The following RNF138 variants were observed in gnomAD, a reference collection of about 807,000 sequenced individuals.
RNF138 encodes the protein E3 ubiquitin-protein ligase RNF138.
Under a neutral mutation model 31.0 loss-of-function variants are expected in RNF138, and 12 were observed. The observed-to-expected ratio is 0.39, with a 90% CI of 0.25 to 0.63. The LOEUF (loss-of-function observed/expected upper bound fraction) is 0.63, where lower values mean the gene tolerates loss of function less well. Ranked by LOEUF, RNF138 falls within the 20% of genes least tolerant of loss-of-function variation. RNF138 has a pLI of 0.52. For missense variants in RNF138, 192 were observed against 300.1 expected, an observed-to-expected ratio of 0.64 and a Z score of 2.66; for synonymous variants, 105 against 99.5, an observed-to-expected ratio of 1.06 and a Z score of -0.33.
intron 2 of RNF138, among the ~76,000 whole-genome samples, chr18:32,094,102 AT>A (rs1331786726): frequency 1.3e-5 from 2 of 152,256 alleles, no homozygotes; most frequent in Non-Finnish European, 2.9e-5. Context: ...GGAAATCTTT[AT>A]TTTTAAAAAA....
chr18:32,118,036 T>C (rs2040244842), intron 4 of RNF138, among the ~76,000 whole-genome samples: 1 of 152,174 alleles, frequency 6.6e-6, no homozygotes, highest in Admixed American at 6.5e-5. Context: ...AGTAACTGGA[T>C]GTCAGTAGGC....
intron 4 of RNF138, among the ~76,000 whole-genome samples, chr18:32,120,399 G>A (rs1226593273): frequency 2.0e-5 from 3 of 152,152 alleles, no homozygotes; most frequent in Non-Finnish European, 4.4e-5. Flanking sequence ...ATTGGATAGA[G>A]ATCCTATTGA....
At chr18:32,110,350 T>C (rs112049552) in intron 2 of RNF138, among the ~76,000 whole-genome samples, 34 of 152,326 alleles carry the variant, frequency 2.2e-4, no homozygotes, top group African/African-American at 7.9e-4. Context: ...TTTAATGATA[T>C]TAACTACTAT....
chr18:32,104,703 CAATA>C, intron 2 of RNF138, among the ~76,000 whole-genome samples: 1 of 152,156 alleles, frequency 6.6e-6, no homozygotes, highest in East Asian at 1.9e-4. Flanking sequence ...TTGGACTAAA[CAATA>C]AAAATATACA....
At chr18:32,095,731 A>G (rs1373603633) in intron 2 of RNF138, among the ~76,000 whole-genome samples, 1 of 152,220 alleles carries the variant, frequency 6.6e-6, no homozygotes, top group African/African-American at 2.4e-5. Flanking sequence ...TTAGAATAAC[A>G]TTACTAAAAT....
Position 32,092,717 on chromosome 18 carries a change from C to A in RNF138, c.-60C>A. On this transcript the variant is annotated 5_prime_UTR_variant, in exon 2 of 8. Coordinates refer to ENST00000261593, the MANE Select transcript of RNF138 (RefSeq NM_016271.5). The stretch of plus-strand genomic sequence containing the variant: ...TCATGTAGGGAGTCGGGCCCCGGGC[C>A]GCCACCGTCACCTCGGCCGCTGCCG... The A allele has an allele frequency of 1.9e-6, 2 of 1,080,298 alleles. No individual in the cohort carries two copies. Among genetic ancestry groups the A allele is most frequent in the Non-Finnish European group, 2.7e-6 (2 of 731,842 alleles). The allele number at this position is 1,080,298 out of a possible 1,614,324, so 66.9% of individuals were successfully genotyped here. A position where few individuals can be genotyped will look rare whatever the true frequency, so the allele number is the denominator to read the frequency against.
At chr18:32,114,201 T>C (rs141085604) in intron 4 of RNF138, among the ~76,000 whole-genome samples, 2 of 152,346 alleles carry the variant, frequency 1.3e-5, no homozygotes, top group East Asian at 3.9e-4. Flanking sequence ...TTTTCAGTAA[T>C]GTATTTGCAA....
At chr18:32,122,658 T>C in intron 4 of RNF138, among the ~76,000 whole-genome samples, 1 of 152,096 alleles carries the variant, frequency 6.6e-6, no homozygotes, top group East Asian at 1.9e-4. Flanking sequence ...ACCCCGTCTC[T>C]ACTAAAAATA....
intron 2 of RNF138, among the ~76,000 whole-genome samples, chr18:32,104,542 G>T (rs184344125): frequency 6.6e-6 from 1 of 152,158 alleles, no homozygotes; most frequent in East Asian, 1.9e-4. Context: ...ATAATTTGTC[G>T]ATTAAAAACA....
At chr18:32,119,643 C>T (rs2040272578) in intron 4 of RNF138, among the ~76,000 whole-genome samples, 1 of 152,236 alleles carries the variant, frequency 6.6e-6, no homozygotes, top group East Asian at 1.9e-4. Context: ...AAGCTGGTCT[C>T]GGCCTCCTGG....
intron 4 of RNF138, among the ~76,000 whole-genome samples, chr18:32,122,865 T>C (rs189462619): frequency 8.5e-4 from 130 of 152,186 alleles, no homozygotes; most frequent in African/African-American, 3.1e-3. Context: ...TTGACCACAT[T>C]GATCAAATTC....
chr18:32,098,812 C>T (rs1310703763), intron 2 of RNF138, among the ~76,000 whole-genome samples: 1 of 146,884 alleles, frequency 6.8e-6, no homozygotes, highest in Non-Finnish European at 1.5e-5. Flanking sequence ...GAGATGGTGC[C>T]ACTGCACTCC....
intron 6 of RNF138, among the ~76,000 whole-genome samples, chr18:32,125,703 G>T (rs913044335): frequency 6.6e-6 from 1 of 152,126 alleles, no homozygotes; most frequent in Non-Finnish European, 1.5e-5. Context: ...AGGCCGAGAG[G>T]GGAGGATTGC....
chr18:32,119,056 C>CA (rs1198152858), intron 4 of RNF138, among the ~76,000 whole-genome samples: 1 of 152,102 alleles, frequency 6.6e-6, no homozygotes, highest in Admixed American at 6.5e-5. Flanking sequence ...CTGAGCTTTT[C>CA]ACATTTATTT....
At chr18:32,100,201 G>GATAT (rs34225221) in intron 2 of RNF138, among the ~76,000 whole-genome samples, 1,979 of 146,598 alleles carry the variant, frequency 0.013, 32 homozygotes, top group African/African-American at 0.044. Context: ...TAGTGATTGA[G>GATAT]ATATATATAT....
intron 6 of RNF138, among the ~76,000 whole-genome samples, chr18:32,126,444 T>C (rs2040384677): frequency 6.6e-6 from 1 of 152,216 alleles, no homozygotes; most frequent in Non-Finnish European, 1.5e-5. Flanking sequence ...ATGTGGTTTT[T>C]CTGTTGAAAC....
At chr18:32,098,418 G>T (rs1337253272) in intron 2 of RNF138, among the ~76,000 whole-genome samples, 2 of 152,078 alleles carry the variant, frequency 1.3e-5, no homozygotes, top group Non-Finnish European at 2.9e-5. Flanking sequence ...TGAGTAGTGG[G>T]GACTACAGGT....
chr18:32,096,122 C>T (rs968942317), intron 2 of RNF138, among the ~76,000 whole-genome samples: 4 of 152,150 alleles, frequency 2.6e-5, no homozygotes, highest in Non-Finnish European at 4.4e-5. Flanking sequence ...ACTGTGTAAG[C>T]TAATTTGAGT....
rs193302355 is a variant in RNF138, at chr18:32,094,662, A to G, written c.110+1776A>G. Among the ~76,000 whole-genome samples the G allele has an allele frequency of 8.4e-4, 128 of 152,260 alleles. 1 individual carries two copies. The South Asian group carries it at 0.013, about 16-fold the overall frequency. On this transcript the variant is annotated intron_variant, in intron 2 of 7. Transcript: ENST00000261593. ...GCACAATATAGATCTTCCACCTTTA[A>G]TCTAGCATAACTTGGTCCCTTTCCA...
Sources: allele counts gnomAD v4.1 joint callset (sites outside exome capture counted in the v4.1 genomes callset), GRCh38; gene constraint gnomAD v4.1.1; transcripts MANE v1.5; gene names NCBI Gene and HGNC (gene_info 2026-07-23, HGNC 2026-07-21).